The following ADGRG4 variants were observed in gnomAD, a reference collection of about 807,000 sequenced individuals.
ADGRG4 encodes the protein adhesion G protein-coupled receptor G4.
ADGRG4 carries 122 observed loss-of-function variants against 126.2 expected under a neutral mutation model. The observed-to-expected ratio is 0.97, with a 90% CI of 0.83 to 1.12. The LOEUF is 1.12. ADGRG4 is among the 50% of genes most tolerant of loss of function. The probability of loss-of-function intolerance (pLI) is 0.00; values close to 1 mark genes in which losing one functional copy is unlikely to be tolerated. For missense variants in ADGRG4, 2,481 were observed against 2,251.8 expected, an observed-to-expected ratio of 1.10 and a Z score of -2.06; for synonymous variants, 943 against 838.7, an observed-to-expected ratio of 1.12 and a Z score of -2.15.
rs1383700930 is a variant in ADGRG4, at chrX:136,349,401, A to G, written c.5695A>G (p.Ile1899Val). Reference protein sequence around the residue: ...EGSQFPISTTINVPTSNEMET... With the variant: ...EGSQFPISTTVNVPTSNEMET... ...TTCTCAGTTTCCAATTTCCACCACTATTAATGTACCTACATCCAATGAGAT... is the reference window on the plus strand; with the variant it reads ...TTCTCAGTTTCCAATTTCCACCACTGTTAATGTACCTACATCCAATGAGAT... Residue 1899 changes from isoleucine to valine, a missense_variant, in exon 6 of 26, where the codon ATT becomes GTT. By Grantham distance (29) the Ile-to-Val change is conservative. Coordinates refer to ENST00000394143, the MANE Select transcript of ADGRG4 (RefSeq NM_153834.4). 8.3e-7 allele frequency: 1 copy of G among 1,202,805 alleles called. No homozygotes were observed. The highest frequency in any genetic ancestry group is 3.0e-5 in the East Asian group (1 of 33,773).
Position 136,344,937 on chromosome X carries a change from T to C in ADGRG4, c.1231T>C (p.Ser411Pro). ...TSLFSTIESTSMSTTPCLKQK... is the reference protein window; with the variant it reads ...TSLFSTIESTPMSTTPCLKQK... Reference sequence around the variant, plus strand: ...TTTATTTTCAACTATTGAGTCAACATCTATGTCTACAACACCTTGTCTCAA... The same window carrying C: ...TTTATTTTCAACTATTGAGTCAACACCTATGTCTACAACACCTTGTCTCAA... The change falls in exon 6 of 26, where the codon TCT becomes CCT. Residue 411 changes from serine (S) to proline (P), a missense_variant. By Grantham distance (74) the Ser-to-Pro change is moderately conservative. Transcript: ENST00000394143. The C allele has an allele frequency of 8.3e-7, 1 of 1,209,587 alleles. No individual in the cohort carries two copies. The highest frequency in any genetic ancestry group is 1.1e-6 in the Non-Finnish European group (1 of 893,528).
At chrX:136,373,996 C>A (rs1028974602) in intron 15 of ADGRG4, among the ~76,000 whole-genome samples, 4 of 111,492 alleles carry the variant, frequency 3.6e-5, no homozygotes, top group African/African-American at 1.3e-4. Flanking sequence ...ACTATCACCT[C>A]TGAAAGCCCC....
chrX:136,416,401 G>A, intron 25 of ADGRG4, 53 bp from the exon 26 acceptor site: 1 of 1,040,364 alleles, frequency 9.6e-7, no homozygotes, highest in African/African-American at 1.9e-5. Context: ...CTTCTACTAT[G>A]TGCAAAGTCC....
chrX:136,403,340 T>G lies in ADGRG4; in HGVS notation c.8654+18T>G. 2 of 1,148,647 alleles carry G rather than the reference T, an allele frequency of 1.7e-6. No individual in the cohort carries two copies. Among genetic ancestry groups the G allele is most frequent in the Non-Finnish European group, 2.4e-6 (2 of 838,373 alleles). The allele number at this position is 1,148,647 out of a possible 1,213,427, so 94.7% of individuals were successfully genotyped here. A position where few individuals can be genotyped will look rare whatever the true frequency, so the allele number is the denominator to read the frequency against. Reference sequence around the variant, plus strand: ...ACTCCGTTGTAAGTACCAGCATCTCTGTTTCTCTGGTGGTGGGGCTCTGGC... The same window carrying G: ...ACTCCGTTGTAAGTACCAGCATCTCGGTTTCTCTGGTGGTGGGGCTCTGGC... On this transcript the variant is annotated intron_variant, in intron 22 of 25. Coordinates refer to ENST00000394143, the MANE Select transcript of ADGRG4 (RefSeq NM_153834.4).
At chrX:136,332,786 T>C (rs2074921297) in intron 5 of ADGRG4, among the ~76,000 whole-genome samples, 1 of 107,127 alleles carries the variant, frequency 9.3e-6, no homozygotes, top group Non-Finnish European at 1.9e-5. Context: ...ATGTGTTTTT[T>C]GGCTGCATAA....
chrX:136,318,930 A>T (rs1256419087), intron 4 of ADGRG4, among the ~76,000 whole-genome samples: 2 of 112,613 alleles, frequency 1.8e-5, no homozygotes, highest in East Asian at 5.5e-4. Flanking sequence ...CATTTAAAAT[A>T]AAAGGAAACA....
In ADGRG4 at chrX:136,345,977, C is replaced by A. The variant is rs1176042774; in HGVS notation, c.2271C>A (p.Thr757=). 8.3e-7 allele frequency: 1 copy of A among 1,209,230 alleles called. No individual in the cohort carries two copies. The change falls in exon 6 of 26, where the codon ACC becomes ACA. Residue 757 remains threonine, a synonymous_variant. Coordinates refer to ENST00000394143, the MANE Select transcript of ADGRG4 (RefSeq NM_153834.4). The part of the protein sequence containing the change: ...SITNMPEFKL[T]TLLLKTIPMS... ...CCAATATGCCTGAATTTAAACTTACCACTTTACTACTAAAAACAATACCTA... is the reference window on the plus strand; with the variant it reads ...CCAATATGCCTGAATTTAAACTTACAACTTTACTACTAAAAACAATACCTA...
intron 15 of ADGRG4, among the ~76,000 whole-genome samples, chrX:136,384,890 G>A (rs1426707664): frequency 1.8e-5 from 2 of 110,682 alleles, no homozygotes; most frequent in African/African-American, 6.6e-5. Context: ...ATATGCCTGG[G>A]CATTTTTTTT....
At chrX:136,387,213 T>C (rs778673644) in intron 15 of ADGRG4, among the ~76,000 whole-genome samples, 2 of 112,376 alleles carry the variant, frequency 1.8e-5, no homozygotes, top group African/African-American at 3.2e-5. Flanking sequence ...ATTCAAACCA[T>C]AGCTGTGAGC....
At chrX:136,308,694 G>A in intron 3 of ADGRG4, 75 bp from the exon 4 acceptor site, 2 of 604,120 alleles carry the variant, frequency 3.3e-6, no homozygotes, top group South Asian at 4.7e-5. Context: ...CAAAGGAGAA[G>A]TGTGGTCACA....
intron 15 of ADGRG4, among the ~76,000 whole-genome samples, chrX:136,382,768 A>AT (rs2075270676): frequency 9.0e-6 from 1 of 110,689 alleles, no homozygotes; most frequent in African/African-American, 3.3e-5. Context: ...CAACACTGTA[A>AT]CTCCCTTCTT....
Position 136,349,263 on chromosome X carries a change from TCTC to T in ADGRG4, c.5565_5567del (p.Pro1856del), listed in dbSNP as rs776389326. On this transcript the variant is annotated inframe_deletion, in exon 6 of 26. Coordinates refer to ENST00000394143, the MANE Select transcript of ADGRG4 (RefSeq NM_153834.4). ...AGCTGAGATCTCTACTCCAAAGACCTCTCCTCCTCCCACATCCCAAATGGTTGA... is the reference window on the plus strand; with the variant it reads ...AGCTGAGATCTCTACTCCAAAGACCTCTCCTCCCACATCCCAAATGGTTGA... 3.3e-5 allele frequency: 40 copies of T among 1,202,040 alleles called. 1 individual carries two copies. In the Admixed American group the frequency reaches 8.1e-4, roughly 24 times the overall value.
chrX:136,387,388 C>T (rs1603299290), intron 15 of ADGRG4, among the ~76,000 whole-genome samples: 1 of 111,989 alleles, frequency 8.9e-6, no homozygotes, highest in East Asian at 2.8e-4. Context: ...AGCCTGAGTT[C>T]CAAGACTGGT....
chrX:136,334,265 T>C (rs1295260589), intron 5 of ADGRG4, among the ~76,000 whole-genome samples: 1 of 111,367 alleles, frequency 9.0e-6, no homozygotes, highest in Non-Finnish European at 1.9e-5. Flanking sequence ...AGCAAATTTT[T>C]ATGTGTCTAT....
chrX:136,345,252 A>G lies in ADGRG4; in HGVS notation c.1546A>G (p.Thr516Ala). Reference sequence around the variant, plus strand: ...GACTCTCCCAACTAGGCTTATTGAGACCACACCTGCCCCAAGGACAGCTGA... The same window carrying G: ...GACTCTCCCAACTAGGCTTATTGAGGCCACACCTGCCCCAAGGACAGCTGA... ...SLTLPTRLIE[T>A]TPAPRTAETE... The change falls in exon 6 of 26, where the codon ACC (threonine) becomes GCC (alanine). Residue 516 changes from threonine (T) to alanine (A), a missense_variant. By Grantham distance (58) the Thr-to-Ala change is moderately conservative. Transcript: ENST00000394143. 8.3e-7 allele frequency: 1 copy of G among 1,211,369 alleles called. No individual in the cohort carries two copies. Among genetic ancestry groups the G allele is most frequent in the South Asian group, 1.8e-5 (1 of 56,964 alleles).
In ADGRG4 at chrX:136,345,502, T is replaced by C; in HGVS notation, c.1796T>C (p.Leu599Pro). The change falls in exon 6 of 26, where the codon CTT becomes CCT. Residue 599 changes from leucine (L) to proline (P), a missense_variant. Leu to Pro is a moderately conservative substitution (Grantham distance 98). Coordinates refer to ENST00000394143, the MANE Select transcript of ADGRG4 (RefSeq NM_153834.4). ...GCATCTACAGTGGCTGAAACTATGC[T>C]TTCCTCCACAATCACAGGACGAGTT... ...TLASTVAETM[L>P]SSTITGRVYT... The C allele has an allele frequency of 1.7e-6, 2 of 1,211,049 alleles. No individual in the cohort carries two copies. The highest frequency in any genetic ancestry group is 4.4e-5 in the Admixed American group (2 of 45,916).
chrX:136,345,376 T>A lies in ADGRG4; in HGVS notation c.1670T>A (p.Phe557Tyr). Residue 557 changes from phenylalanine (F) to tyrosine (Y), a missense_variant, in exon 6 of 26, where the codon TTT becomes TAT. Phe to Tyr is a conservative substitution (Grantham distance 22). Coordinates refer to ENST00000394143, the MANE Select transcript of ADGRG4 (RefSeq NM_153834.4). Reference protein sequence around the residue: ...SMSKETSSKTFSFLTSFSFTG... With the variant: ...SMSKETSSKTYSFLTSFSFTG... Reference sequence around the variant, plus strand: ...TCGAAAGAGACCTCCTCTAAGACCTTTTCTTTCTTAACATCCTTTTCATTT... The same window carrying A: ...TCGAAAGAGACCTCCTCTAAGACCTATTCTTTCTTAACATCCTTTTCATTT... 1 of 1,210,726 alleles carries A rather than the reference T, an allele frequency of 8.3e-7. No individual in the cohort carries two copies. The highest frequency in any genetic ancestry group is 1.1e-6 in the Non-Finnish European group (1 of 894,851).
intron 5 of ADGRG4, among the ~76,000 whole-genome samples, chrX:136,331,057 T>C (rs1038481500): frequency 1.8e-5 from 2 of 110,199 alleles, no homozygotes; most frequent in African/African-American, 6.6e-5. Context: ...AGTTCAATTG[T>C]TTTGATTTTT....
chrX:136,416,396 A>G (rs1361698595), intron 25 of ADGRG4, 58 bp from the exon 26 acceptor site: 15 of 961,170 alleles, frequency 1.6e-5, no homozygotes, highest in Non-Finnish European at 1.3e-5. Context: ...TTATGCTTCT[A>G]CTATGTGCAA....
Sources: gnomAD v4.1 joint callset for allele counts (sites outside exome capture counted in the v4.1 genomes callset) on GRCh38, gnomAD v4.1.1 for gene constraint, MANE v1.5 for transcripts, NCBI Gene and HGNC (gene_info 2026-07-23, HGNC 2026-07-21) for gene names.